TEX264: variants seen among roughly 807,000 people sequenced by gnomAD.
The protein encoded by TEX264 is testis expressed 264, ER-phagy receptor.
A neutral mutation model predicts 23.4 loss-of-function variants in TEX264; 13 were observed. The observed-to-expected ratio is 0.56, with a 90% CI of 0.36 to 0.88. The LOEUF (loss-of-function observed/expected upper bound fraction) is 0.88. TEX264 is among the 40% of genes least tolerant of loss of function. The pLI, the probability that TEX264 is intolerant of heterozygous loss-of-function variation, is 0.01. For synonymous variants in TEX264, 159 were observed against 170.0 expected (o/e 0.94, Z 0.50); for missense variants, 340 against 406.8 (o/e 0.84, Z 1.41).
intron 3 of TEX264, 79 bp downstream of exon 3, chr3:51,684,713 G>A: frequency 6.9e-7 from 1 of 1,445,404 alleles, no homozygotes; most frequent in African/African-American, 1.4e-5. Flanking sequence ...GCCTAGAATG[G>A]GAGGAAGAAG....
At chr3:51,674,688 CCT>C in intron 2 of TEX264, 126 bp downstream of exon 2, 1 of 1,136,868 alleles carries the variant, frequency 8.8e-7, no homozygotes. Context: ...GCAGACCCCT[CCT>C]CTATGAGCTT....
At chr3:51,697,495 TACCCTTTGGGTCCTTTGTCC>T (rs1469685707) in intron 3 of TEX264, among the ~76,000 whole-genome samples, 2 of 152,248 alleles carry the variant, frequency 1.3e-5, no homozygotes, top group Admixed American at 1.3e-4. Context: ...ACTCAGCTAC[TACCCTTTGGGTCCTTTGTCC>T]AGAGTGTGAG....
chr3:51,694,175 G>T (rs150315710), intron 3 of TEX264, among the ~76,000 whole-genome samples: 1 of 146,668 alleles, frequency 6.8e-6, no homozygotes, highest in Non-Finnish European at 1.5e-5. Flanking sequence ...TCTGTTGCCC[G>T]GGCTGGAGTG....
chr3:51,684,434 T>A lies in TEX264; in HGVS notation c.280T>A (p.Cys94Ser). Reference sequence around the variant, plus strand: ...CCAGGTGCCCCCTGATAAGTGCCGATGTGCCGTGGGCAGCATCCTGAGTGA... The same window carrying A: ...CCAGGTGCCCCCTGATAAGTGCCGAAGTGCCGTGGGCAGCATCCTGAGTGA... ...PHMVPPDKCR[C>S]AVGSILSEGE... The change falls in exon 3 of 5, where the codon TGT (cysteine) becomes AGT (serine). Residue 94 changes from cysteine to serine, a missense_variant. Coordinates refer to ENST00000341333, the MANE Select transcript of TEX264 (RefSeq NM_015926.6). 1 of 1,614,196 alleles carries A rather than the reference T, an allele frequency of 6.2e-7. No homozygotes were observed. Among genetic ancestry groups the A allele is most frequent in the Non-Finnish European group, 8.5e-7 (1 of 1,180,016 alleles).
Position 51,691,375 on chromosome 3 carries a change from T to C in TEX264, c.480+6741T>C, listed in dbSNP as rs1457629860. On this transcript the variant is annotated intron_variant, in intron 3 of 4. Transcript: ENST00000341333. The surrounding 1 kb of genome is among the most constrained non-coding windows in gnomAD (Gnocchi z 4.4). ...CTCTGGCACAGGGAGGAGGGCACTT[T>C]TGGCAGCATCAGGACCTGGAGCTGA... is the stretch of plus-strand genomic sequence containing the variant. Among the ~76,000 whole-genome samples, 1 of 152,168 alleles carries C rather than the reference T, an allele frequency of 6.6e-6. No individual in the cohort carries two copies. Among genetic ancestry groups the C allele is most frequent in the Non-Finnish European group, 1.5e-5 (1 of 68,024 alleles).
intron 3 of TEX264, among the ~76,000 whole-genome samples, chr3:51,690,230 C>G (rs1302557603): frequency 6.6e-6 from 1 of 152,160 alleles, no homozygotes. Context: ...AGGCCTCGGC[C>G]GGGGAAATAC....
chr3:51,679,015 CTA>C (rs1175833136), intron 2 of TEX264, among the ~76,000 whole-genome samples: 1 of 152,192 alleles, frequency 6.6e-6, no homozygotes, highest in Admixed American at 6.5e-5. Flanking sequence ...AGCAGGTTAA[CTA>C]TGTGGGACAG....
Position 51,680,771 on chromosome 3 carries a change from G to A in TEX264, c.259-3642G>A, listed in dbSNP as rs536135425. Reference sequence around the variant, plus strand: ...TGGGAGGCCCAGGCCTATGTCCTAGGGTTCGGCCCAAATACAGATACTCAT... The same window carrying A: ...TGGGAGGCCCAGGCCTATGTCCTAGAGTTCGGCCCAAATACAGATACTCAT... On this transcript the variant is annotated intron_variant, in intron 2 of 4. Transcript: ENST00000341333. 2.0e-5 allele frequency among the ~76,000 whole-genome samples: 3 copies of A among 152,328 alleles called. No individual in the cohort carries two copies. The South Asian group carries it at 6.2e-4, about 32-fold the overall frequency.
chr3:51,680,081 TA>T (rs1212261211), intron 2 of TEX264, among the ~76,000 whole-genome samples: 2 of 152,158 alleles, frequency 1.3e-5, no homozygotes, highest in Non-Finnish European at 2.9e-5. Flanking sequence ...CTTTCCCCCT[TA>T]ACTTGGGTAG....
At chr3:51,699,604 C>T (rs1305047901) in intron 4 of TEX264, 30 bp downstream of exon 4, 4 of 1,608,330 alleles carry the variant, frequency 2.5e-6, no homozygotes, top group Non-Finnish European at 3.4e-6. Flanking sequence ...AGGATGGGGC[C>T]CTCCTGGAGC....
intron 4 of TEX264, among the ~76,000 whole-genome samples, chr3:51,699,860 T>C (rs1703222042): frequency 6.6e-6 from 1 of 152,064 alleles, no homozygotes; most frequent in African/African-American, 2.4e-5. Context: ...GGAGTACCCT[T>C]GGAAACAAAG....
chr3:51,675,284 C>T (rs1199726505), intron 2 of TEX264, among the ~76,000 whole-genome samples: 5 of 152,206 alleles, frequency 3.3e-5, no homozygotes, highest in Non-Finnish European at 5.9e-5. Flanking sequence ...TAACCTACTG[C>T]TATGCTATGG....
chr3:51,682,180 AGT>A (rs1449320679), intron 2 of TEX264: 1 of 152,214 alleles, frequency 6.6e-6, no homozygotes, highest in African/African-American at 2.4e-5. Flanking sequence ...TGTGGCAGGC[AGT>A]GTCTCTTGGC....
chr3:51,685,795 G>A lies in TEX264; in HGVS notation c.480+1161G>A, dbSNP rs1702601882. On this transcript the variant is annotated intron_variant, in intron 3 of 4. Transcript: ENST00000341333. ...AGGAATTAGCCTAGGAGGCTGTCAT[G>A]AATCCCATTGTGAGTGGTGGCAGCT... Among the ~76,000 whole-genome samples, 3 of 152,236 alleles carry A rather than the reference G, an allele frequency of 2.0e-5. No individual in the cohort carries two copies. In the South Asian group the frequency reaches 6.2e-4, roughly 31 times the overall value.
intron 3 of TEX264, among the ~76,000 whole-genome samples, chr3:51,699,141 G>T: frequency 6.6e-6 from 1 of 152,136 alleles, no homozygotes; most frequent in Non-Finnish European, 1.5e-5. Flanking sequence ...GGAGAGCAGT[G>T]CCAGGCTCCT....
At position 51,691,491 on chromosome 3, in the gene TEX264, G is replaced by T. The variant is rs112039725; in HGVS notation, c.480+6857G>T. On this transcript the variant is annotated intron_variant, in intron 3 of 4. Coordinates refer to ENST00000341333, the MANE Select transcript of TEX264 (RefSeq NM_015926.6). This position sits in a 1 kb window ranked among gnomAD's most constrained non-coding sequence, Gnocchi z 4.4. ...GTGTGGGGAGGGGAGGGATAGATTCGCTGGGAAAGGCAAAACAACCCTTGT... is the reference window on the plus strand; with the variant it reads ...GTGTGGGGAGGGGAGGGATAGATTCTCTGGGAAAGGCAAAACAACCCTTGT... Among the ~76,000 whole-genome samples, 1 of 152,188 alleles carries T rather than the reference G, an allele frequency of 6.6e-6. No homozygotes were observed. The highest frequency in any genetic ancestry group is 6.5e-5 in the Admixed American group (1 of 15,284).
intron 3 of TEX264, among the ~76,000 whole-genome samples, chr3:51,698,869 A>G (rs1385343252): frequency 6.6e-6 from 1 of 152,180 alleles, no homozygotes; most frequent in African/African-American, 2.4e-5. Flanking sequence ...TTCAGGGTCT[A>G]TAGTAGCATG....
Position 51,684,230 on chromosome 3 carries a change from C to T in TEX264, c.259-183C>T, listed in dbSNP as rs923681601. On this transcript the variant is annotated intron_variant, in intron 2 of 4. Coordinates refer to ENST00000341333, the MANE Select transcript of TEX264 (RefSeq NM_015926.6). ...ATGAGAGTCCTGTGGTACGATGCCA[C>T]AGGCAGGGGCCATAGGTGGGTTCCA... The T allele has an allele frequency of 1.8e-5, 11 of 605,294 alleles. No individual in the cohort carries two copies. In the Admixed American group the frequency reaches 2.0e-4, roughly 11 times the overall value. 37.5% of individuals were successfully genotyped at this position (605,294 alleles called of 1,614,324 possible).
rs1224035755 is a variant in TEX264, at chr3:51,691,321, G to A, written c.480+6687G>A. Among the ~76,000 whole-genome samples the A allele has an allele frequency of 6.6e-6, 1 of 152,196 alleles. No individual in the cohort carries two copies. The highest frequency in any genetic ancestry group is 1.5e-5 in the Non-Finnish European group (1 of 68,028). On this transcript the variant is annotated intron_variant, in intron 3 of 4. Transcript: ENST00000341333. The surrounding 1 kb of genome is among the most constrained non-coding windows in gnomAD (Gnocchi z 4.4). ...CTGGATCTCAAGGGCTGGCTTACCT[G>A]CTGGTACTGCCACCTGCTAAGTGGC...
Sources: allele counts gnomAD v4.1 joint callset (sites outside exome capture counted in the v4.1 genomes callset), GRCh38; gene constraint gnomAD v4.1.1; non-coding constraint Gnocchi (gnomAD v3.1); transcripts MANE v1.5; gene names NCBI Gene and HGNC (gene_info 2026-07-23, HGNC 2026-07-21).